Variants in LRPAP1 observed in about 807,000 individuals in gnomAD.
LRPAP1 encodes alpha-2-macroglobulin receptor-associated protein.
In LRPAP1, 41 loss-of-function variants were observed where a neutral mutation model predicts 39.9. The observed-to-expected ratio is 1.03, with a 90% CI of 0.80 to 1.33. The LOEUF (loss-of-function observed/expected upper bound fraction) is 1.33. LRPAP1 is among the 40% of genes most tolerant of loss of function. The probability of loss-of-function intolerance (pLI) is 0.00; values close to 1 mark genes in which losing one functional copy is unlikely to be tolerated. For synonymous variants in LRPAP1, 263 were observed against 212.7 expected (o/e 1.24, Z -2.06); for missense variants, 565 against 482.3 (o/e 1.17, Z -1.61).
At chr4:3,517,332 C>A (rs1048992499) in intron 5 of LRPAP1, among the ~76,000 whole-genome samples, 2 of 152,270 alleles carry the variant, frequency 1.3e-5, no homozygotes, top group Admixed American at 1.3e-4. Flanking sequence ...GGACAGAGAC[C>A]AGCCCTGCTG....
chr4:3,525,739 C>T (rs1730061857), intron 1 of LRPAP1, among the ~76,000 whole-genome samples: 1 of 152,240 alleles, frequency 6.6e-6, no homozygotes, highest in African/African-American at 2.4e-5. Context: ...TCATCCCACC[C>T]CTGCCCTCCC....
At chr4:3,530,566 C>T (rs1176469836) in intron 1 of LRPAP1, among the ~76,000 whole-genome samples, 1 of 152,206 alleles carries the variant, frequency 6.6e-6, no homozygotes, top group Non-Finnish European at 1.5e-5. Context: ...AGCAGCTCGC[C>T]CTACCATGGT....
At chr4:3,517,482 C>T (rs1342254795) in intron 5 of LRPAP1, among the ~76,000 whole-genome samples, 1 of 152,250 alleles carries the variant, frequency 6.6e-6, no homozygotes, top group African/African-American at 2.4e-5. Context: ...TGAGTGAGGC[C>T]AGCAGGCTTC....
chr4:3,523,639 C>G (rs564658952), intron 2 of LRPAP1, among the ~76,000 whole-genome samples: 10 of 152,310 alleles, frequency 6.6e-5, no homozygotes, highest in African/African-American at 2.4e-4. Context: ...TCAAATGGGA[C>G]GACAACGAGT....
rs190768436 is a variant in LRPAP1, at chr4:3,504,403, C to G, written c.*8571G>C. The G allele has an allele frequency of 2.6e-5, 4 of 152,294 alleles. No individual in the cohort carries two copies. The highest frequency in any genetic ancestry group is 1.3e-4 in the Admixed American group (2 of 15,292). The allele number at this position is 152,294 out of a possible 1,614,324, so 9.4% of individuals were successfully genotyped here. A position where few individuals can be genotyped will look rare whatever the true frequency, so the allele number is the denominator to read the frequency against. On this transcript the variant is annotated 3_prime_UTR_variant, in exon 8 of 8. Coordinates refer to ENST00000650182, the MANE Select transcript of LRPAP1 (RefSeq NM_002337.4). ...CCGAGGTGGGCACATCACTTGAGGT[C>G]AGGAATTTGAGACCAGCCTGGCCAA...
chr4:3,529,394 G>A (rs550767348), intron 1 of LRPAP1, among the ~76,000 whole-genome samples: 5 of 152,156 alleles, frequency 3.3e-5, no homozygotes, highest in Admixed American at 2.0e-4. Context: ...TCATGGCACC[G>A]TGCAGCCCAG....
Position 3,511,801 on chromosome 4 carries a change from C to T in LRPAP1, c.*1173G>A, listed in dbSNP as rs1349698108. Reference sequence around the variant, plus strand: ...CGGGAACCACGCCCAGAGCCGGACCCGAGCCTCTTCCAGGCTCAGACACGG... The same window carrying T: ...CGGGAACCACGCCCAGAGCCGGACCTGAGCCTCTTCCAGGCTCAGACACGG... On this transcript the variant is annotated 3_prime_UTR_variant, in exon 8 of 8. Transcript: ENST00000650182. 6.9e-5 allele frequency: 10 copies of T among 145,534 alleles called. No homozygotes were observed. Among genetic ancestry groups the T allele is most frequent in the Non-Finnish European group, 1.1e-4 (7 of 66,366 alleles). 9.0% of individuals were successfully genotyped at this position (145,534 alleles called of 1,614,324 possible).
chr4:3,527,149 C>T (rs899001565), intron 1 of LRPAP1, among the ~76,000 whole-genome samples: 1 of 152,116 alleles, frequency 6.6e-6, no homozygotes, highest in African/African-American at 2.4e-5. Context: ...CCAGGATTGT[C>T]CCAACCTGAA....
rs1233506826 is a variant in LRPAP1 at position 3,532,356 on chromosome 4, C to T, written c.57G>A (p.Leu19=). 6.3e-7 allele frequency: 1 copy of T among 1,593,870 alleles called. No homozygotes were observed. Among genetic ancestry groups the T allele is most frequent in the South Asian group, 1.1e-5 (1 of 88,252 alleles). ...CGGGCCAGGGCCCGAGGAAGAGCAG[C>T]AGCAGTAGCAGCGCCGGGAGCCCGC... The part of the protein sequence containing the change: ...FLRGLPALLL[L]LLFLGPWPAA... Residue 19 remains leucine (L), a synonymous_variant, in exon 1 of 8, where the codon CTG becomes CTA. Coordinates refer to ENST00000650182, the MANE Select transcript of LRPAP1 (RefSeq NM_002337.4).
At position 3,506,375 on chromosome 4, in the gene LRPAP1, G is replaced by GT. The variant is rs200593210; in HGVS notation, c.*6598dup. 2,604 of 130,968 alleles carry GT rather than the reference G, an allele frequency of 0.02. 57 individuals carry two copies. Among genetic ancestry groups the GT allele is most frequent in the African/African-American group, 0.056 (1,973 of 35,428 alleles). 8.1% of individuals were successfully genotyped at this position (130,968 alleles called of 1,614,324 possible). On this transcript the variant is annotated 3_prime_UTR_variant, in exon 8 of 8. Coordinates refer to ENST00000650182, the MANE Select transcript of LRPAP1 (RefSeq NM_002337.4). The stretch of plus-strand genomic sequence containing the variant: ...GCCACCCACACTTGGCTCAAGCTGG[G>GT]TTTTTTTTTTTTTTTGAGGCGAAGT...
At position 3,516,153 on chromosome 4, in the gene LRPAP1, G is replaced by A; in HGVS notation, c.797C>T (p.Ser266Phe). 6.3e-7 allele frequency: 1 copy of A among 1,582,806 alleles called. No homozygotes were observed. Among genetic ancestry groups the A allele is most frequent in the Non-Finnish European group, 8.6e-7 (1 of 1,164,986 alleles). The change falls in exon 6 of 8, where the codon TCC (serine) becomes TTC (phenylalanine). Residue 266 changes from serine to phenylalanine, a missense_variant. Transcript: ENST00000650182. ...RVIDLWDLAQ[S>F]ANLTDKELEA... ...CAGCTCCTTGTCCGTGAGGTTGGCG[G>A]ACTGCGCCAGGTCCCACAGGTCAAT...
At position 3,511,802 on chromosome 4, in the gene LRPAP1, G is replaced by A. The variant is rs1369278049; in HGVS notation, c.*1172C>T. ...GGGAACCACGCCCAGAGCCGGACCC[G>A]AGCCTCTTCCAGGCTCAGACACGGG... On this transcript the variant is annotated 3_prime_UTR_variant, in exon 8 of 8. Coordinates refer to ENST00000650182, the MANE Select transcript of LRPAP1 (RefSeq NM_002337.4). The A allele has an allele frequency of 6.7e-6, 1 of 149,638 alleles. No individual in the cohort carries two copies. The highest frequency in any genetic ancestry group is 2.5e-5 in the African/African-American group (1 of 40,456). The allele number at this position is 149,638 out of a possible 1,614,324, so 9.3% of individuals were successfully genotyped here.
chr4:3,517,564 G>A (rs779200042), intron 5 of LRPAP1: 18 of 154,656 alleles, frequency 1.2e-4, no homozygotes, highest in East Asian at 1.9e-4. Flanking sequence ...GGCCACTGAG[G>A]GCCTGCAGTG....
chr4:3,528,471 C>T (rs1730144670), intron 1 of LRPAP1, among the ~76,000 whole-genome samples: 1 of 152,208 alleles, frequency 6.6e-6, no homozygotes, highest in African/African-American at 2.4e-5. Context: ...TTCTCAACGC[C>T]CCAGGAAACC....
Position 3,503,685 on chromosome 4 carries a change from T to C in LRPAP1, c.*9289A>G, listed in dbSNP as rs1729267561. On this transcript the variant is annotated 3_prime_UTR_variant, in exon 8 of 8. Coordinates refer to ENST00000650182, the MANE Select transcript of LRPAP1 (RefSeq NM_002337.4). Reference sequence around the variant, plus strand: ...CACATCAAAACTTAGGGAAATGTGGTTAGTGTGGTACGTTGAGGGAAACTT... The same window carrying C: ...CACATCAAAACTTAGGGAAATGTGGCTAGTGTGGTACGTTGAGGGAAACTT... 1 of 152,236 alleles carries C rather than the reference T, an allele frequency of 6.6e-6. No individual in the cohort carries two copies. The highest frequency in any genetic ancestry group is 2.4e-5 in the African/African-American group (1 of 41,454). 9.4% of individuals were successfully genotyped at this position (152,236 alleles called of 1,614,324 possible). A position where few individuals can be genotyped will look rare whatever the true frequency, so the allele number is the denominator to read the frequency against.
At chr4:3,529,683 A>ACC (rs757871319) in intron 1 of LRPAP1, among the ~76,000 whole-genome samples, 3 of 151,494 alleles carry the variant, frequency 2.0e-5, no homozygotes, top group Non-Finnish European at 4.4e-5. Flanking sequence ...ATGAAGCAGC[A>ACC]CCCCCCTGGC....
chr4:3,516,518 G>A (rs1729710447), intron 5 of LRPAP1, among the ~76,000 whole-genome samples: 1 of 152,240 alleles, frequency 6.6e-6, no homozygotes, highest in East Asian at 1.9e-4. Flanking sequence ...TGAAGCAGGA[G>A]GCAGAGGATG....
intron 4 of LRPAP1, among the ~76,000 whole-genome samples, 155 bp from the exon 5 acceptor site, chr4:3,518,347 C>T (rs1427760884): frequency 1.3e-5 from 2 of 150,770 alleles, no homozygotes; most frequent in Non-Finnish European, 2.9e-5. Context: ...GCCGCAGAAA[C>T]GACCGTTGGC....
At chr4:3,527,758 C>T (rs1730123997) in intron 1 of LRPAP1, among the ~76,000 whole-genome samples, 1 of 152,202 alleles carries the variant, frequency 6.6e-6, no homozygotes, top group African/African-American at 2.4e-5. Context: ...AGCTGAAGAC[C>T]CAGGGCTGCT....
Sources: gnomAD v4.1 joint callset for allele counts (sites outside exome capture counted in the v4.1 genomes callset) on GRCh38, gnomAD v4.1.1 for gene constraint, MANE v1.5 for transcripts, NCBI Gene and HGNC (gene_info 2026-07-23, HGNC 2026-07-21) for gene names.